Variants in BCKDHB observed in about 807,000 individuals in gnomAD.
BCKDHB encodes branched chain keto acid dehydrogenase E1 subunit beta, also known as 2-oxoisovalerate dehydrogenase subunit beta, mitochondrial.
A neutral mutation model predicts 48.5 loss-of-function variants in BCKDHB; 41 were observed. The observed-to-expected ratio is 0.85, with a 90% CI of 0.66 to 1.10. The LOEUF is 1.10. BCKDHB is among the 50% of genes least tolerant of loss of function. The pLI is 0.00. For missense variants in BCKDHB, 496 were observed against 494.2 expected (o/e 1.00, Z -0.03); for synonymous variants, 201 against 174.8 (o/e 1.15, Z -1.18).
At chr6:80,404,801 C>A in the BCKDHB span, among the ~76,000 whole-genome samples, 1 of 151,720 alleles carries the variant, frequency 6.6e-6, no homozygotes, top group African/African-American at 2.4e-5. Flanking sequence ...TTTTCTTTCA[C>A]TGTTTGTTTA....
chr6:80,209,468 C>T (rs2127838236), intron 8 of BCKDHB, among the ~76,000 whole-genome samples: 1 of 151,954 alleles, frequency 6.6e-6, no homozygotes, highest in East Asian at 1.9e-4. Flanking sequence ...GTAATTATAA[C>T]ATTATATAGG....
chr6:80,463,614 G>T, the BCKDHB span, among the ~76,000 whole-genome samples: 1 of 151,834 alleles, frequency 6.6e-6, no homozygotes, highest in Non-Finnish European at 1.5e-5. Flanking sequence ...AATTTGAAAG[G>T]TTCTGGGATT....
At chr6:80,448,766 A>G in the BCKDHB span, among the ~76,000 whole-genome samples, 1 of 152,168 alleles carries the variant, frequency 6.6e-6, no homozygotes, top group Non-Finnish European at 1.5e-5. Context: ...AGTATTTTAA[A>G]GAGATATCCT....
At chr6:80,278,098 C>G (rs527846161) in intron 9 of BCKDHB, among the ~76,000 whole-genome samples, 1 of 152,036 alleles carries the variant, frequency 6.6e-6, no homozygotes, top group Non-Finnish European at 1.5e-5. Context: ...TTAAAATTGC[C>G]GTGCTGGTAA....
At chr6:80,169,519 A>G (rs1772785276) in intron 5 of BCKDHB, among the ~76,000 whole-genome samples, 1 of 152,034 alleles carries the variant, frequency 6.6e-6, no homozygotes, top group African/African-American at 2.4e-5. Flanking sequence ...TTTCTGTTTA[A>G]AGTTAGGTAA....
chr6:80,135,534 TA>T (rs1362959126), intron 3 of BCKDHB, among the ~76,000 whole-genome samples: 2 of 152,174 alleles, frequency 1.3e-5, no homozygotes, highest in African/African-American at 4.8e-5. Flanking sequence ...TTAGTAGCTT[TA>T]AATTGCTCTT....
At chr6:80,442,420 G>A in the BCKDHB span, among the ~76,000 whole-genome samples, 1 of 151,990 alleles carries the variant, frequency 6.6e-6, no homozygotes, top group Non-Finnish European at 1.5e-5. Flanking sequence ...TTCTTTAATA[G>A]TTGCTAATAT....
At chr6:80,310,506 C>G (rs943841271) in intron 9 of BCKDHB, among the ~76,000 whole-genome samples, 1 of 152,200 alleles carries the variant, frequency 6.6e-6, no homozygotes, top group Non-Finnish European at 1.5e-5. Flanking sequence ...CTATCATTGA[C>G]AGGCATTTAG....
At chr6:80,251,629 G>A (rs1044673203) in intron 8 of BCKDHB, 4 of 151,932 alleles carry the variant, frequency 2.6e-5, no homozygotes, top group East Asian at 1.9e-4. Context: ...TTCTACTCCC[G>A]GCCTAAACTT....
At chr6:80,141,251 C>A (rs553531809) in intron 3 of BCKDHB, among the ~76,000 whole-genome samples, 1 of 152,134 alleles carries the variant, frequency 6.6e-6, no homozygotes, top group South Asian at 2.1e-4. Flanking sequence ...TTTCAAAAAA[C>A]CAGCTCCTGG....
chr6:80,180,032 C>G (rs138664707), intron 6 of BCKDHB, among the ~76,000 whole-genome samples: 1 of 152,204 alleles, frequency 6.6e-6, no homozygotes, highest in East Asian at 1.9e-4. Context: ...TGCTCATAAA[C>G]TGCTCTCTGT....
intron 8 of BCKDHB, among the ~76,000 whole-genome samples, chr6:80,261,838 T>G (rs961537160): frequency 1.3e-5 from 2 of 152,208 alleles, no homozygotes; most frequent in Non-Finnish European, 2.9e-5. Flanking sequence ...CAGGATAATT[T>G]TCAGCATTTT....
At chr6:80,259,898 G>T (rs1480927983) in intron 8 of BCKDHB, among the ~76,000 whole-genome samples, 1 of 152,132 alleles carries the variant, frequency 6.6e-6, no homozygotes, top group Non-Finnish European at 1.5e-5. Context: ...GTGATGATGA[G>T]GAGATAAATA....
rs150558464 is a variant in BCKDHB at position 80,246,996 on chromosome 6, C to A, written c.952-26139C>A. Among the ~76,000 whole-genome samples, 29 of 152,122 alleles carry A rather than the reference C, an allele frequency of 1.9e-4. 1 individual carries two copies. The East Asian group carries it at 5.4e-3, about 28-fold the overall frequency. On this transcript the variant is annotated intron_variant, in intron 8 of 9. Transcript: ENST00000320393. ...CTAGAAGGCAATCAAACTTATATTT[C>A]TTTTCTTTGAGCCAGGGAAACTGCT...
chr6:80,294,785 A>T (rs954898493), intron 9 of BCKDHB, among the ~76,000 whole-genome samples: 2 of 152,032 alleles, frequency 1.3e-5, no homozygotes, highest in Non-Finnish European at 1.5e-5. Context: ...GTTGTTTAAG[A>T]TGTTTATCAA....
the BCKDHB span, among the ~76,000 whole-genome samples, chr6:80,357,654 A>G: frequency 6.6e-6 from 1 of 152,182 alleles, no homozygotes; most frequent in East Asian, 1.9e-4. Context: ...AGTGCAGATA[A>G]TTTTTAATTG....
intron 6 of BCKDHB, 90 bp from the exon 7 acceptor site, chr6:80,200,844 C>A: frequency 1.9e-6 from 2 of 1,036,046 alleles, no homozygotes; most frequent in African/African-American, 3.2e-5. Flanking sequence ...TAAAATAAAG[C>A]TTTGCTACAG....
At chr6:80,273,319 A>T in intron 9 of BCKDHB, 98 bp downstream of exon 9, 1 of 1,075,682 alleles carries the variant, frequency 9.3e-7, no homozygotes, top group Non-Finnish European at 1.4e-6. Context: ...GAAAGCATAC[A>T]CTTTATGGAA....
At chr6:80,335,247 A>AAAAAGAG (rs1554215008) in intron 9 of BCKDHB, among the ~76,000 whole-genome samples, 6 of 144,882 alleles carry the variant, frequency 4.1e-5, no homozygotes, top group Non-Finnish European at 4.5e-5. Flanking sequence ...AAAAAAAAAA[A>AAAAAGAG]GAAGAAAAAT....
Sources: gnomAD v4.1 joint callset for allele counts (sites outside exome capture counted in the v4.1 genomes callset) on GRCh38, gnomAD v4.1.1 for gene constraint, MANE v1.5 for transcripts, NCBI Gene and HGNC (gene_info 2026-07-23, HGNC 2026-07-21) for gene names.